The following WDPCP variants were observed in gnomAD, a reference collection of about 807,000 sequenced individuals.
WDPCP encodes WD repeat containing planar cell polarity effector, also known as WD repeat-containing and planar cell polarity effector protein fritz homolog.
Under a neutral mutation model 93.1 loss-of-function variants are expected in WDPCP, and 71 were observed. The observed-to-expected ratio is 0.76, with a 90% CI of 0.63 to 0.93. The LOEUF (loss-of-function observed/expected upper bound fraction) is 0.93. Among genes scored for constraint, WDPCP ranks in the 40% least tolerant of loss-of-function variants. WDPCP has a pLI of 0.00. For synonymous variants in WDPCP, 315 were observed against 315.0 expected (o/e 1.00, Z 0.00); for missense variants, 844 against 887.4 (o/e 0.95, Z 0.62).
intron 2 of WDPCP, among the ~76,000 whole-genome samples, chr2:63,693,282 A>G (rs1261531933): frequency 2.0e-5 from 3 of 152,190 alleles, no homozygotes; most frequent in African/African-American, 7.2e-5. Context: ...ATATGTTCGT[A>G]TACCCATGAA....
chr2:63,161,110 T>C (rs977734740), intron 15 of WDPCP, among the ~76,000 whole-genome samples: 9 of 152,160 alleles, frequency 5.9e-5, no homozygotes, highest in Admixed American at 6.5e-5. Context: ...TTAATAGATA[T>C]GGTCTGTAAG....
intron 1 of WDPCP, chr2:63,571,671 A>G (rs1257513893): frequency 8.6e-6 from 4 of 465,492 alleles, no homozygotes; most frequent in Admixed American, 7.3e-5. Context: ...CCATTACTAG[A>G]AGTGGCTCGT....
intron 14 of WDPCP, chr2:63,229,190 T>C (rs1002903010): frequency 1.3e-5 from 2 of 152,246 alleles, no homozygotes; most frequent in Non-Finnish European, 2.9e-5. Context: ...CCAGTGATGA[T>C]GAGCATTTTT....
chr2:63,391,157 C>A (rs1371919795), intron 10 of WDPCP, among the ~76,000 whole-genome samples: 1 of 152,162 alleles, frequency 6.6e-6, no homozygotes, highest in African/African-American at 2.4e-5. Flanking sequence ...CACTGGCAAA[C>A]CGAATCCAGC....
intron 17 of WDPCP, among the ~76,000 whole-genome samples, chr2:63,122,339 A>G (rs1254650664): frequency 6.6e-6 from 1 of 152,200 alleles, no homozygotes; most frequent in Admixed American, 6.5e-5. Context: ...GGTTCCTCCA[A>G]TGAAAAATTG....
intron 3 of WDPCP, among the ~76,000 whole-genome samples, chr2:63,595,927 G>T (rs1575721622): frequency 6.6e-6 from 1 of 152,144 alleles, no homozygotes; most frequent in East Asian, 1.9e-4. Context: ...AGTTTTGAAG[G>T]ATGTCCTTCA....
chr2:63,666,462 C>T (rs961330788), intron 2 of WDPCP, among the ~76,000 whole-genome samples: 2 of 152,200 alleles, frequency 1.3e-5, no homozygotes, highest in Non-Finnish European at 2.9e-5. Flanking sequence ...ATTGGTTCTC[C>T]GTGTATGTTT....
intron 3 of WDPCP, chr2:63,622,066 C>CTTTTTTTT (rs33925505): frequency 3.8e-6 from 2 of 529,128 alleles, no homozygotes; most frequent in Non-Finnish European, 2.7e-6. Context: ...TTTCTTTTTT[C>CTTTTTTTT]TTTTTTTTTT....
chr2:63,631,290 T>TA (rs1247339560), intron 3 of WDPCP, among the ~76,000 whole-genome samples: 1 of 151,616 alleles, frequency 6.6e-6, no homozygotes, highest in African/African-American at 2.4e-5. Flanking sequence ...AAAATAAATT[T>TA]TAAAAAAATT....
intron 1 of WDPCP, among the ~76,000 whole-genome samples, chr2:63,535,628 A>G (rs558209772): frequency 6.6e-6 from 1 of 152,220 alleles, no homozygotes; most frequent in Non-Finnish European, 1.5e-5. Context: ...CCCTATTACA[A>G]TAAATGGTGC....
chr2:63,324,844 G>A (rs1687406613), intron 12 of WDPCP, among the ~76,000 whole-genome samples: 1 of 152,136 alleles, frequency 6.6e-6, no homozygotes, highest in Non-Finnish European at 1.5e-5. Context: ...AGGAGAATTA[G>A]GAAAAAGCCC....
chr2:63,658,677 A>T (rs1710193799), intron 2 of WDPCP, among the ~76,000 whole-genome samples: 1 of 152,254 alleles, frequency 6.6e-6, no homozygotes, highest in Non-Finnish European at 1.5e-5. Flanking sequence ...TTTAATGCTC[A>T]AATAACAATA....
intron 2 of WDPCP, among the ~76,000 whole-genome samples, chr2:63,779,607 C>T (rs961578580): frequency 2.0e-5 from 3 of 152,156 alleles, no homozygotes; most frequent in African/African-American, 2.4e-5. Context: ...CACCTCCCTT[C>T]TGAGGATAAA....
intron 13 of WDPCP, among the ~76,000 whole-genome samples, chr2:63,268,374 C>T (rs185380325): frequency 2.4e-4 from 37 of 151,984 alleles, no homozygotes; most frequent in Admixed American, 9.8e-4. Flanking sequence ...TCAGTTAGAC[C>T]GTAGGAATAA....
At chr2:63,663,430 A>G (rs1710250116) in intron 2 of WDPCP, among the ~76,000 whole-genome samples, 1 of 152,238 alleles carries the variant, frequency 6.6e-6, no homozygotes, top group African/African-American at 2.4e-5. Flanking sequence ...CTGGAAGGAA[A>G]CATCAGAGAG....
chr2:63,283,921 G>C (rs1683770407), intron 13 of WDPCP, among the ~76,000 whole-genome samples: 1 of 152,128 alleles, frequency 6.6e-6, no homozygotes, highest in South Asian at 2.1e-4. Flanking sequence ...AGGAATGAAG[G>C]TGATACAAAG....
At chr2:63,597,348 T>C in intron 3 of WDPCP, 1 of 1,319,996 alleles carries the variant, frequency 7.6e-7, no homozygotes, top group Non-Finnish European at 9.8e-7. Flanking sequence ...AAAAGAAAAC[T>C]TCAAACTTTG....
intron 2 of WDPCP, 24 bp from the exon 3 acceptor site, chr2:63,487,518 T>G: frequency 6.5e-7 from 1 of 1,535,502 alleles, no homozygotes; most frequent in Non-Finnish European, 9.0e-7. Context: ...GAAATAACAT[T>G]AAATTATGAT....
At chr2:63,437,601 TAG>T (rs1173588814) in intron 7 of WDPCP, 47 bp from the exon 8 acceptor site, 2 of 1,502,986 alleles carry the variant, frequency 1.3e-6, no homozygotes, top group Non-Finnish European at 1.8e-6. Flanking sequence ...AAATAATGAA[TAG>T]ATTTTTCCAC....
Sources: allele counts gnomAD v4.1 joint callset (sites outside exome capture counted in the v4.1 genomes callset), GRCh38; gene constraint gnomAD v4.1.1; transcripts MANE v1.5; gene names NCBI Gene and HGNC (gene_info 2026-07-23, HGNC 2026-07-21).